The following CENPF variants were observed in gnomAD, a reference collection of about 807,000 sequenced individuals.
CENPF encodes centromere protein F.
A neutral mutation model predicts 307.3 loss-of-function variants in CENPF; 214 were observed. The observed-to-expected ratio is 0.70, with a 90% CI of 0.62 to 0.78. The LOEUF (loss-of-function observed/expected upper bound fraction) is 0.78, where lower values mean the gene tolerates loss of function less well. Ranked by LOEUF, CENPF falls within the 30% of genes least tolerant of loss-of-function variation. The pLI, the probability that CENPF is intolerant of heterozygous loss-of-function variation, is 0.00. For missense variants in CENPF, 3,401 were observed against 3,483.9 expected (o/e 0.98, Z 0.60); for synonymous variants, 1,259 against 1,270.6 (o/e 0.99, Z 0.19).
chr1:214,641,067 A>C lies in CENPF; in HGVS notation c.2729A>C (p.Glu910Ala). Residue 910 changes from glutamate to alanine, a missense_variant, in exon 12 of 20, where the codon GAA becomes GCA. Physicochemically the swap from Glu to Ala is moderately radical, Grantham distance 107. Transcript: ENST00000366955. ...ACCTTAAGTGCCCTTGAGAACAAGG[A>C]AAAAGAGCTGCAACTTTTAAATGAT... Reference protein sequence around the residue: ...AETLSALENKEKELQLLNDKV... With the variant: ...AETLSALENKAKELQLLNDKV... 6.4e-7 allele frequency: 1 copy of C among 1,565,208 alleles called. No homozygotes were observed.
rs1315312418 is a variant in CENPF at position 214,647,044 on chromosome 1, G to T, written c.7474G>T (p.Ala2492Ser). 10 of 1,613,850 alleles carry T rather than the reference G, an allele frequency of 6.2e-6. No individual in the cohort carries two copies. Among genetic ancestry groups the T allele is most frequent in the East Asian group, 2.2e-5 (1 of 44,864 alleles). Reference protein sequence around the residue: ...KAQLLQGLDEAKNNYIVLQSS... With the variant: ...KAQLLQGLDESKNNYIVLQSS... Reference sequence around the variant, plus strand: ...TCAGTTGCTACAAGGCCTTGATGAGGCCAAAAATAATTATATTGTTTTGCA... The same window carrying T: ...TCAGTTGCTACAAGGCCTTGATGAGTCCAAAAATAATTATATTGTTTTGCA... Residue 2492 changes from alanine (A) to serine (S), a missense_variant, in exon 13 of 20, where the codon GCC (alanine) becomes TCC (serine). Ala to Ser is a moderately conservative substitution (Grantham distance 99). Coordinates refer to ENST00000366955, the MANE Select transcript of CENPF (RefSeq NM_016343.4).
At chr1:214,628,601 C>T (rs6656944) in intron 7 of CENPF, among the ~76,000 whole-genome samples, 1,861 of 152,312 alleles carry the variant, frequency 0.012, 51 homozygotes, top group African/African-American at 0.043. Context: ...AGCGCCACCA[C>T]ACCCGGCTAA....
intron 1 of CENPF, among the ~76,000 whole-genome samples, chr1:214,609,580 AT>A (rs1462405226): frequency 2.0e-5 from 3 of 151,980 alleles, no homozygotes; most frequent in African/African-American, 7.3e-5. Flanking sequence ...GCAAAATATT[AT>A]TTTTTTCTTA....
intron 7 of CENPF, among the ~76,000 whole-genome samples, chr1:214,625,251 G>T (rs942594008): frequency 1.3e-5 from 2 of 152,012 alleles, no homozygotes; most frequent in African/African-American, 4.8e-5. Context: ...GTCTGGCTCT[G>T]TCACCCAGGC....
rs371979886 is a variant in CENPF, at chr1:214,640,370, G to A, written c.2032G>A (p.Glu678Lys). Residue 678 changes from glutamate (E) to lysine (K), a missense_variant, in exon 12 of 20, where the codon GAG becomes AAG. Coordinates refer to ENST00000366955, the MANE Select transcript of CENPF (RefSeq NM_016343.4). ...GATGGACAGAGAAAACCTAAGTGTCGAGATCAGAAACCTTCACAACGTGTT... is the reference window on the plus strand; with the variant it reads ...GATGGACAGAGAAAACCTAAGTGTCAAGATCAGAAACCTTCACAACGTGTT... ...LEMDRENLSV[E>K]IRNLHNVLDS... 3.6e-5 allele frequency: 58 copies of A among 1,613,822 alleles called. No homozygotes were observed. Among genetic ancestry groups the A allele is most frequent in the Non-Finnish European group, 4.8e-5 (57 of 1,180,000 alleles).
At chr1:214,625,897 T>C (rs1014302494) in intron 7 of CENPF, among the ~76,000 whole-genome samples, 2 of 152,208 alleles carry the variant, frequency 1.3e-5, no homozygotes, top group Non-Finnish European at 2.9e-5. Context: ...TCTTAAATGT[T>C]TTCTGTACAT....
In CENPF at chr1:214,632,738, A is replaced by G. The variant is rs1657845192; in HGVS notation, c.1446+136A>G. 1.0e-5 allele frequency: 10 copies of G among 992,988 alleles called. No individual in the cohort carries two copies. The South Asian group carries it at 1.6e-4, about 16-fold the overall frequency. The allele number at this position is 992,988 out of a possible 1,614,324, so 61.5% of individuals were successfully genotyped here. A position where few individuals can be genotyped will look rare whatever the true frequency, so the allele number is the denominator to read the frequency against. Reference sequence around the variant, plus strand: ...TCTTTTCTATTCACCAGAAGTAAGTATTACAGAATTTTCTGTATATAACCC... The same window carrying G: ...TCTTTTCTATTCACCAGAAGTAAGTGTTACAGAATTTTCTGTATATAACCC... On this transcript the variant is annotated intron_variant, in intron 10 of 19. Coordinates refer to ENST00000366955, the MANE Select transcript of CENPF (RefSeq NM_016343.4).
intron 9 of CENPF, among the ~76,000 whole-genome samples, chr1:214,632,040 A>G (rs1483350517): frequency 6.6e-6 from 1 of 152,142 alleles, no homozygotes; most frequent in East Asian, 1.9e-4. Flanking sequence ...TATTTTTTGT[A>G]TAAAGTTTTC....
intron 1 of CENPF, among the ~76,000 whole-genome samples, chr1:214,609,449 G>A (rs920559793): frequency 6.6e-6 from 1 of 152,198 alleles, no homozygotes; most frequent in Non-Finnish European, 1.5e-5. Context: ...GTTTCCCAGA[G>A]GAAGAGGGAC....
chr1:214,642,455 C>T lies in CENPF; in HGVS notation c.4117C>T (p.Pro1373Ser), dbSNP rs761991699. The T allele has an allele frequency of 5.0e-6, 8 of 1,598,546 alleles. No homozygotes were observed. The Admixed American group carries it at 6.9e-5, about 14-fold the overall frequency. Residue 1373 changes from proline to serine, a missense_variant, in exon 12 of 20, where the codon CCA (proline) becomes TCA (serine). Physicochemically the swap from Pro to Ser is moderately conservative, Grantham distance 74. Coordinates refer to ENST00000366955, the MANE Select transcript of CENPF (RefSeq NM_016343.4). ...ACCAGGAGGTGAATTTGGTGAACAA[C>T]CAAATGAACAGCACCCTGTGTCTTT... Reference protein sequence around the residue: ...DIPGGEFGEQPNEQHPVSLAP... With the variant: ...DIPGGEFGEQSNEQHPVSLAP...
At chr1:214,658,016 A>G (rs573165413) in intron 18 of CENPF, among the ~76,000 whole-genome samples, 150 of 152,332 alleles carry the variant, frequency 9.8e-4, no homozygotes, top group African/African-American at 3.5e-3. Flanking sequence ...ATTATATTAT[A>G]CAAAAATATT....
At chr1:214,627,804 G>C (rs1477589948) in intron 7 of CENPF, among the ~76,000 whole-genome samples, 1 of 152,176 alleles carries the variant, frequency 6.6e-6, no homozygotes, top group Non-Finnish European at 1.5e-5. Context: ...GTATGTCCTT[G>C]TCAAATGTGT....
At position 214,646,552 on chromosome 1, in the gene CENPF, G is replaced by C. The variant is rs372969150; in HGVS notation, c.6982G>C (p.Glu2328Gln). The C allele has an allele frequency of 6.2e-7, 1 of 1,614,068 alleles. No individual in the cohort carries two copies. The highest frequency in any genetic ancestry group is 1.7e-5 in the Admixed American group (1 of 60,016). The change falls in exon 13 of 20, where the codon GAG (glutamate) becomes CAG (glutamine). Residue 2328 changes from glutamate to glutamine, a missense_variant. Coordinates refer to ENST00000366955, the MANE Select transcript of CENPF (RefSeq NM_016343.4). ...TGTCTTACAACAACTGAAGGAAAGTGAGCATCATGCAGATTTACTTAAGGG... is the reference window on the plus strand; with the variant it reads ...TGTCTTACAACAACTGAAGGAAAGTCAGCATCATGCAGATTTACTTAAGGG... ...LCVLQQLKES[E>Q]HHADLLKGRV...
chr1:214,659,855 T>G lies in CENPF; in HGVS notation c.9141+827T>G, dbSNP rs1658746376. Among the ~76,000 whole-genome samples, 1 of 152,156 alleles carries G rather than the reference T, an allele frequency of 6.6e-6. No homozygotes were observed. Among genetic ancestry groups the G allele is most frequent in the Non-Finnish European group, 1.5e-5 (1 of 68,020 alleles). On this transcript the variant is annotated intron_variant, in intron 19 of 19. Transcript: ENST00000366955. The surrounding 1 kb of genome is among the most constrained non-coding windows in gnomAD (Gnocchi z 4.4). Reference sequence around the variant, plus strand: ...TCTCAGACTGGGGACTAGGGGGATATTTTTGGAAGTTGCTGGAATAGCTTC... The same window carrying G: ...TCTCAGACTGGGGACTAGGGGGATAGTTTTGGAAGTTGCTGGAATAGCTTC...
At chr1:214,662,007 C>G (rs1658798861) in intron 19 of CENPF, among the ~76,000 whole-genome samples, 1 of 152,034 alleles carries the variant, frequency 6.6e-6, no homozygotes, top group South Asian at 2.1e-4. Flanking sequence ...GTCAAATCCA[C>G]AGTTTAAATT....
In CENPF at chr1:214,658,950, G is replaced by A. The variant is rs749594564; in HGVS notation, c.9063G>A (p.Ala3021=). The change falls in exon 19 of 20, where the codon GCG becomes GCA. Residue 3021 remains alanine (A), a synonymous_variant. Coordinates refer to ENST00000366955, the MANE Select transcript of CENPF (RefSeq NM_016343.4). ...TSPRLAAQKL[A]LSPLSLGKEN... is the part of the protein sequence containing the mutation. ...CCCGCCTGGCTGCACAGAAGTTAGC[G>A]CTATCCCCACTGAGTCTCGGCAAAG... 6 of 1,614,078 alleles carry A rather than the reference G, an allele frequency of 3.7e-6. No homozygotes were observed. Among genetic ancestry groups the A allele is most frequent in the Middle Eastern group, 1.6e-4 (1 of 6,062 alleles).
At position 214,646,889 on chromosome 1, in the gene CENPF, T is replaced by C. The variant is rs1288513446; in HGVS notation, c.7319T>C (p.Met2440Thr). ...ATGAAAGAAAAATCAAGCACTGCCA[T>C]GGAGATGCTTCAAACACAATTAAAA... The part of the protein sequence containing the change: ...VQMKEKSSTA[M>T]EMLQTQLKEL... Residue 2440 changes from methionine to threonine, a missense_variant, in exon 13 of 20, where the codon ATG becomes ACG. Physicochemically the swap from Met to Thr is moderately conservative, Grantham distance 81. Transcript: ENST00000366955. 2 of 1,613,898 alleles carry C rather than the reference T, an allele frequency of 1.2e-6. No homozygotes were observed. Among genetic ancestry groups the C allele is most frequent in the Admixed American group, 1.7e-5 (1 of 59,988 alleles).
In CENPF at chr1:214,643,230, C is replaced by T. The variant is rs769388025; in HGVS notation, c.4892C>T (p.Thr1631Met). Residue 1631 changes from threonine to methionine, a missense_variant, in exon 12 of 20, where the codon ACG becomes ATG. Physicochemically the swap from Thr to Met is moderately conservative, Grantham distance 81 (BLOSUM62 -1). Transcript: ENST00000366955. Reference protein sequence around the residue: ...ESKLAAEKKQTEQLSLELEVA... With the variant: ...ESKLAAEKKQMEQLSLELEVA... The stretch of plus-strand genomic sequence containing the variant: ...AAGTTGGCGGCAGAAAAGAAACAGA[C>T]GGAACAACTGTCACTTGAGCTGGAA... 2.8e-5 allele frequency: 45 copies of T among 1,599,846 alleles called. No homozygotes were observed. The highest frequency in any genetic ancestry group is 1.7e-4 in the Middle Eastern group (1 of 5,966).
chr1:214,637,838 C>T, intron 10 of CENPF, 28 bp from the exon 11 acceptor site: 1 of 1,597,782 alleles, frequency 6.3e-7, no homozygotes, highest in Non-Finnish European at 8.5e-7. Flanking sequence ...TTCGTTTTGG[C>T]TATAACCAAT....
Sources: gnomAD v4.1 joint callset for allele counts (sites outside exome capture counted in the v4.1 genomes callset) on GRCh38, gnomAD v4.1.1 for gene constraint, Gnocchi (gnomAD v3.1) non-coding constraint, MANE v1.5 for transcripts, NCBI Gene and HGNC (gene_info 2026-07-23, HGNC 2026-07-21) for gene names.